DOC2B: variants seen among roughly 807,000 people sequenced by gnomAD.
DOC2B encodes double C2 domain beta.
DOC2B carries 21 observed loss-of-function variants against 28.9 expected under a neutral mutation model. The ratio of observed to expected loss-of-function variants is 0.73; its 90% confidence interval spans 0.52 to 1.05. The LOEUF (loss-of-function observed/expected upper bound fraction) is 1.05. Among genes scored for constraint, DOC2B ranks in the 50% least tolerant of loss-of-function variants. The probability of loss-of-function intolerance (pLI) is 0.00; values close to 1 mark genes in which losing one functional copy is unlikely to be tolerated. For synonymous variants in DOC2B, 194 were observed against 178.1 expected, an observed-to-expected ratio of 1.09 and a Z score of -0.71; for missense variants, 384 against 421.1, an observed-to-expected ratio of 0.91 and a Z score of 0.77.
At chr17:166,044 C>T (rs770425465) in intron 2 of DOC2B, among the ~76,000 whole-genome samples, 5 of 152,106 alleles carry the variant, frequency 3.3e-5, no homozygotes, top group African/African-American at 4.8e-5. Context: ...TAGGCTGGGT[C>T]GAGGGGCGCT....
Position 181,314 on chromosome 17 carries a change from G to A in DOC2B, c.166C>T (p.Pro56Ser). Residue 56 changes from proline (P) to serine (S), a missense_variant, in exon 1 of 9, where the codon CCG becomes TCG. Physicochemically the swap from Pro to Ser is moderately conservative, Grantham distance 74 (BLOSUM62 -1). Coordinates refer to ENST00000613549, the MANE Select transcript of DOC2B (RefSeq NM_003585.5). The surrounding 1 kb of genome is among the most constrained non-coding windows in gnomAD (Gnocchi z 7.0). ...ACAGCCGGGCGCGCGGGGGCGTCCGGGGGTGCAGCGGCTCGGGGCCCGGCG... is the reference window on the plus strand; with the variant it reads ...ACAGCCGGGCGCGCGGGGGCGTCCGAGGGTGCAGCGGCTCGGGGCCCGGCG... Reference protein sequence around the residue: ...PDAGPRAAAPPDAPARPAVAG... With the variant: ...PDAGPRAAAPSDAPARPAVAG... 1.7e-6 allele frequency: 2 copies of A among 1,168,936 alleles called. No homozygotes were observed. Among genetic ancestry groups the A allele is most frequent in the Non-Finnish European group, 1.1e-6 (1 of 948,136 alleles). The allele number at this position is 1,168,936 out of a possible 1,614,324, so 72.4% of individuals were successfully genotyped here. A position where few individuals can be genotyped will look rare whatever the true frequency, so the allele number is the denominator to read the frequency against.
chr17:172,372 A>C (rs566372333), intron 2 of DOC2B, among the ~76,000 whole-genome samples, 165 bp downstream of exon 2: 29 of 152,220 alleles, frequency 1.9e-4, no homozygotes, highest in African/African-American at 6.7e-4. Context: ...TTGGGTATTC[A>C]AGAAGGTTTA....
chr17:157,857 G>A (rs1365453796), intron 5 of DOC2B, among the ~76,000 whole-genome samples: 2 of 152,214 alleles, frequency 1.3e-5, no homozygotes, highest in African/African-American at 2.4e-5. Flanking sequence ...TCCCCTGTGC[G>A]TTCAACCTCA....
rs1465630262 is a variant in DOC2B at position 143,667 on chromosome 17, G to A, written c.*3774C>T. ...CCCACCCCTTCAAATCTATTAAAAG[G>A]TGAGAGTCTCGCCAAGGCAATGAGA... On this transcript the variant is annotated 3_prime_UTR_variant, in exon 9 of 9. Transcript: ENST00000613549. 1 of 152,124 alleles carries A rather than the reference G, an allele frequency of 6.6e-6. No individual in the cohort carries two copies. Among genetic ancestry groups the A allele is most frequent in the African/African-American group, 2.4e-5 (1 of 41,404 alleles). The allele number at this position is 152,124 out of a possible 1,614,324, so 9.4% of individuals were successfully genotyped here.
intron 6 of DOC2B, among the ~76,000 whole-genome samples, chr17:151,888 C>T (rs947299916): frequency 3.9e-5 from 6 of 152,198 alleles, no homozygotes; most frequent in Admixed American, 1.3e-4. Flanking sequence ...GTTCCGCCAG[C>T]GTTGCCCTCT....
intron 2 of DOC2B, among the ~76,000 whole-genome samples, chr17:166,744 A>G (rs1447732126): frequency 1.4e-5 from 2 of 143,756 alleles, no homozygotes; most frequent in Non-Finnish European, 3.0e-5. Flanking sequence ...ATGGTCTGAC[A>G]CTGTTCTTGA....
intron 4 of DOC2B, 42 bp from the exon 5 acceptor site, chr17:161,583 C>G: frequency 1.3e-6 from 2 of 1,550,606 alleles, no homozygotes; most frequent in Non-Finnish European, 1.7e-6. Context: ...GTGCCTCAGA[C>G]GCACTGGGCA....
chr17:152,869 TA>T, intron 6 of DOC2B, among the ~76,000 whole-genome samples: 1 of 152,358 alleles, frequency 6.6e-6, no homozygotes, highest in South Asian at 2.1e-4. Context: ...AACCGCTAGA[TA>T]CGTCCCTCCC....
rs1230530180 is a variant in DOC2B at position 175,015 on chromosome 17, G to A, written c.374-2399C>T. 2.6e-5 allele frequency among the ~76,000 whole-genome samples: 4 copies of A among 152,336 alleles called. No homozygotes were observed. The East Asian group carries it at 5.8e-4, about 22-fold the overall frequency. On this transcript the variant is annotated intron_variant, in intron 1 of 8. Coordinates refer to ENST00000613549, the MANE Select transcript of DOC2B (RefSeq NM_003585.5). ...AGCACTTTGGGAGGCTGAGACGGGT[G>A]GATCACTTGAGCCCAGGATTTCAAG...
At chr17:154,595 G>A (rs1431138703) in intron 6 of DOC2B, among the ~76,000 whole-genome samples, 2 of 152,180 alleles carry the variant, frequency 1.3e-5, no homozygotes, top group East Asian at 1.9e-4. Flanking sequence ...GTTTTAGGAT[G>A]GACATGTTTT....
At chr17:161,296 C>G (rs143933994) in intron 5 of DOC2B, 119 bp downstream of exon 5, 6 of 1,092,386 alleles carry the variant, frequency 5.5e-6, no homozygotes, top group Non-Finnish European at 8.0e-6. Context: ...CTCACCTCCC[C>G]GGTCTCCCCT....
chr17:181,250 C>A lies in DOC2B; in HGVS notation c.230G>T (p.Arg77Leu). 8.2e-7 allele frequency: 1 copy of A among 1,212,228 alleles called. No individual in the cohort carries two copies. The highest frequency in any genetic ancestry group is 1.0e-6 in the Non-Finnish European group (1 of 975,660). 75.1% of individuals were successfully genotyped at this position (1,212,228 alleles called of 1,614,324 possible). Residue 77 changes from arginine to leucine, a missense_variant, in exon 1 of 9, where the codon CGC becomes CTC. Arg to Leu is a moderately radical substitution (Grantham distance 102). Coordinates refer to ENST00000613549, the MANE Select transcript of DOC2B (RefSeq NM_003585.5). This position sits in a 1 kb window ranked among gnomAD's most constrained non-coding sequence, Gnocchi z 7.0. ...CTGGTCCACATCCTCGTCGTCCTCG[C>A]GGGCGCCGTCGGAGGGGCTGCGGCG... ...AGRRSPSDGA[R>L]EDDEDVDQLF...
intron 2 of DOC2B, among the ~76,000 whole-genome samples, chr17:170,795 C>T (rs546388347): frequency 1.4e-3 from 182 of 127,880 alleles, no homozygotes; most frequent in African/African-American, 4.9e-3. Context: ...GCACCAGGGG[C>T]CGGGCCAGGC....
intron 7 of DOC2B, 46 bp downstream of exon 7, chr17:149,065 T>C (rs2040045229): frequency 7.5e-6 from 3 of 398,708 alleles, no homozygotes; most frequent in South Asian, 2.5e-4. Flanking sequence ...CCCACTGCTG[T>C]GGGGCAGAGG....
At chr17:170,249 G>A (rs769271493) in intron 2 of DOC2B, among the ~76,000 whole-genome samples, 27 of 152,192 alleles carry the variant, frequency 1.8e-4, no homozygotes, top group Non-Finnish European at 1.9e-4. Flanking sequence ...GGCAGGGCTG[G>A]ACATGCCCTG....
At chr17:161,294 C>T (rs1052047858) in intron 5 of DOC2B, 121 bp downstream of exon 5, 3 of 1,077,030 alleles carry the variant, frequency 2.8e-6, no homozygotes, top group Non-Finnish European at 4.1e-6. Flanking sequence ...TGCTCACCTC[C>T]CCGGTCTCCC....
At position 181,586 on chromosome 17, in the gene DOC2B, G is replaced by A. The variant is rs1287388915; in HGVS notation, c.-107C>T. ...CGCGGCGGGGGCTGCGGGCATCGCC[G>A]GCCGCGCCCCCGGACGGCCCTGACT... On this transcript the variant is annotated 5_prime_UTR_variant, in exon 1 of 9. Coordinates refer to ENST00000613549, the MANE Select transcript of DOC2B (RefSeq NM_003585.5). This position sits in a 1 kb window ranked among gnomAD's most constrained non-coding sequence, Gnocchi z 7.0. 2.5e-5 allele frequency: 12 copies of A among 475,228 alleles called. No individual in the cohort carries two copies. Among genetic ancestry groups the A allele is most frequent in the South Asian group, 8.8e-5 (1 of 11,332 alleles). The allele number at this position is 475,228 out of a possible 1,614,324, so 29.4% of individuals were successfully genotyped here. A position where few individuals can be genotyped will look rare whatever the true frequency, so the allele number is the denominator to read the frequency against.
intron 1 of DOC2B, among the ~76,000 whole-genome samples, chr17:180,886 T>C (rs2040432962): frequency 6.6e-6 from 1 of 151,110 alleles, no homozygotes; most frequent in African/African-American, 2.4e-5. Flanking sequence ...CCCCCGAACT[T>C]CCCTCCTGTC....
rs1428448058 is a variant in DOC2B at position 145,040 on chromosome 17, C to A, written c.*2401G>T. 6.6e-6 allele frequency: 1 copy of A among 152,166 alleles called. No homozygotes were observed. The highest frequency in any genetic ancestry group is 2.4e-5 in the African/African-American group (1 of 41,420). The allele number at this position is 152,166 out of a possible 1,614,324, so 9.4% of individuals were successfully genotyped here. On this transcript the variant is annotated 3_prime_UTR_variant, in exon 9 of 9. Transcript: ENST00000613549. Reference sequence around the variant, plus strand: ...AAATAGACCACCTCTTACCTTAGGCCCCCAGAGGGTGCCCATTCTGTGTGG... The same window carrying A: ...AAATAGACCACCTCTTACCTTAGGCACCCAGAGGGTGCCCATTCTGTGTGG...
Sources: gnomAD v4.1 joint callset for allele counts (sites outside exome capture counted in the v4.1 genomes callset) on GRCh38, gnomAD v4.1.1 for gene constraint, Gnocchi (gnomAD v3.1) non-coding constraint, MANE v1.5 for transcripts, NCBI Gene and HGNC (gene_info 2026-07-23, HGNC 2026-07-21) for gene names.